DLG2: variants seen among roughly 807,000 people sequenced by gnomAD.
DLG2 encodes discs large MAGUK scaffold protein 2.
DLG2 carries 45 observed loss-of-function variants against 132.5 expected under a neutral mutation model. That is an observed-to-expected ratio of 0.34 (90% CI 0.27 to 0.44). The LOEUF (loss-of-function observed/expected upper bound fraction) is 0.44. Among genes scored for constraint, DLG2 ranks in the 20% least tolerant of loss-of-function variants. The pLI is 1.00. For synonymous variants in DLG2, 424 were observed against 419.6 expected, an observed-to-expected ratio of 1.01 and a Z score of -0.13; for missense variants, 1,045 against 1,196.9, an observed-to-expected ratio of 0.87 and a Z score of 1.87.
At chr11:85,506,734 C>A (rs943315048) in intron 3 of DLG2, among the ~76,000 whole-genome samples, 2 of 151,942 alleles carry the variant, frequency 1.3e-5, no homozygotes, top group African/African-American at 4.8e-5. Context: ...CTATTAGGTC[C>A]GCTTGGTGCA....
intron 7 of DLG2, among the ~76,000 whole-genome samples, chr11:84,256,501 G>A (rs775911221): frequency 3.2e-4 from 49 of 152,168 alleles, no homozygotes; most frequent in Non-Finnish European, 5.3e-4. Context: ...GAAATTAACA[G>A]TAACACTCAT....
At chr11:83,957,903 G>A (rs2087336351) in intron 14 of DLG2, among the ~76,000 whole-genome samples, 1 of 152,106 alleles carries the variant, frequency 6.6e-6, no homozygotes, top group African/African-American at 2.4e-5. Flanking sequence ...TCCTGAGAGA[G>A]GCACTGCCTG....
chr11:83,969,629 C>T (rs1176831252), intron 12 of DLG2, among the ~76,000 whole-genome samples: 1 of 151,938 alleles, frequency 6.6e-6, no homozygotes. Flanking sequence ...GCTGGAGTGC[C>T]ATGGCGTGAT....
chr11:83,561,366 GGT>G (rs1697064563), intron 19 of DLG2, among the ~76,000 whole-genome samples: 1 of 152,180 alleles, frequency 6.6e-6, no homozygotes, highest in South Asian at 2.1e-4. Flanking sequence ...AGGGGTTAGT[GGT>G]GAGCTATTTA....
rs112772461 is a variant in DLG2 at position 84,949,732 on chromosome 11, A to G, written c.357+161929T>C. On this transcript the variant is annotated intron_variant, in intron 6 of 27. Transcript: ENST00000376104. Reference sequence around the variant, plus strand: ...CTGAACAATTGCTGTTATCCTGTTCATTTTTCAGGGTGCCCACATTTCATA... The same window carrying G: ...CTGAACAATTGCTGTTATCCTGTTCGTTTTTCAGGGTGCCCACATTTCATA... Among the ~76,000 whole-genome samples, 42 of 152,212 alleles carry G rather than the reference A, an allele frequency of 2.8e-4. 1 individual carries two copies. The highest frequency in any genetic ancestry group is 9.2e-4 in the African/African-American group (38 of 41,528).
Position 85,598,536 on chromosome 11 carries a change from G to C in DLG2, c.40+121C>G, listed in dbSNP as rs1025882804. 7.2e-6 allele frequency: 4 copies of C among 557,912 alleles called. No individual in the cohort carries two copies. In the Admixed American group the frequency reaches 1.3e-4, roughly 18 times the overall value. The allele number at this position is 557,912 out of a possible 1,614,324, so 34.6% of individuals were successfully genotyped here. A position where few individuals can be genotyped will look rare whatever the true frequency, so the allele number is the denominator to read the frequency against. ...AAAACAAAACAAATCTTCCCTTCCA[G>C]TATTAAAGAAAATTATCCCAGTTTG... On this transcript the variant is annotated intron_variant, in intron 3 of 27. Coordinates refer to ENST00000376104, the MANE Select transcript of DLG2 (RefSeq NM_001142699.3).
chr11:85,501,123 C>T (rs967521662), intron 3 of DLG2, among the ~76,000 whole-genome samples: 2 of 152,140 alleles, frequency 1.3e-5, no homozygotes, highest in African/African-American at 4.8e-5. Context: ...CACACATCTA[C>T]CACCACCTGA....
Position 84,861,693 on chromosome 11 carries a change from T to G in DLG2, c.357+249968A>C, listed in dbSNP as rs541061429. 2.9e-5 allele frequency among the ~76,000 whole-genome samples: 4 copies of G among 137,300 alleles called. No homozygotes were observed. In the South Asian group the frequency reaches 7.2e-4, roughly 25 times the overall value. The allele number at this position is 137,300 out of a possible 152,430, so 90.1% of individuals were successfully genotyped here. ...GGCAACCTACAGAATGGGAGAAAAT[T>G]CTGCAATCAATCCATCTGACAAAGG... On this transcript the variant is annotated intron_variant, in intron 6 of 27. Coordinates refer to ENST00000376104, the MANE Select transcript of DLG2 (RefSeq NM_001142699.3).
intron 7 of DLG2, among the ~76,000 whole-genome samples, chr11:84,417,394 C>T (rs889984481): frequency 6.6e-6 from 1 of 152,138 alleles, no homozygotes; most frequent in African/African-American, 2.4e-5. Flanking sequence ...ATATTAAGTG[C>T]TCAATACATG....
intron 6 of DLG2, among the ~76,000 whole-genome samples, chr11:84,990,834 T>C (rs1034095768): frequency 5.3e-5 from 8 of 151,976 alleles, no homozygotes; most frequent in African/African-American, 1.9e-4. Flanking sequence ...CAACTAAACA[T>C]GCAATGACCA....
At chr11:84,936,148 T>C (rs906338190) in intron 6 of DLG2, among the ~76,000 whole-genome samples, 2 of 152,200 alleles carry the variant, frequency 1.3e-5, no homozygotes, top group Non-Finnish European at 2.9e-5. Flanking sequence ...AGAAGAATGT[T>C]AGGCCTACGA....
At chr11:83,860,262 C>G (rs183563658) in intron 16 of DLG2, among the ~76,000 whole-genome samples, 187 of 152,208 alleles carry the variant, frequency 1.2e-3, no homozygotes, top group Admixed American at 2.7e-3. Context: ...GCATTATGCG[C>G]CTGAAGAAAC....
At chr11:84,873,934 G>C (rs988496618) in intron 6 of DLG2, among the ~76,000 whole-genome samples, 1 of 152,196 alleles carries the variant, frequency 6.6e-6, no homozygotes, top group East Asian at 1.9e-4. Flanking sequence ...TATCATGATG[G>C]TCAAATCTGA....
chr11:84,454,913 A>G (rs2099061330), intron 7 of DLG2, among the ~76,000 whole-genome samples: 1 of 151,406 alleles, frequency 6.6e-6, no homozygotes, highest in Non-Finnish European at 1.5e-5. Flanking sequence ...GTTTGTGGTG[A>G]TGATTTTACA....
At chr11:85,259,255 C>G (rs1054659514) in intron 4 of DLG2, among the ~76,000 whole-genome samples, 1 of 152,044 alleles carries the variant, frequency 6.6e-6, no homozygotes, top group African/African-American at 2.4e-5. Context: ...GTAACACCAC[C>G]CCCTTCGCTC....
At chr11:84,202,059 C>T (rs2096603129) in intron 8 of DLG2, among the ~76,000 whole-genome samples, 1 of 151,816 alleles carries the variant, frequency 6.6e-6, no homozygotes, top group Non-Finnish European at 1.5e-5. Flanking sequence ...CTTCATGATC[C>T]TCCTGCCTTG....
chr11:83,706,083 T>G (rs1464436993), intron 18 of DLG2, among the ~76,000 whole-genome samples: 1 of 152,010 alleles, frequency 6.6e-6, no homozygotes. Flanking sequence ...CTGGGCATGG[T>G]GGCGGGTGCC....
chr11:83,481,528 A>C (rs1565404535), intron 22 of DLG2, among the ~76,000 whole-genome samples: 1 of 152,142 alleles, frequency 6.6e-6, no homozygotes, highest in Non-Finnish European at 1.5e-5. Flanking sequence ...GATATCATAC[A>C]TTCTTGCCAA....
chr11:84,515,246 A>C (rs1297644868), intron 7 of DLG2, among the ~76,000 whole-genome samples: 1 of 148,856 alleles, frequency 6.7e-6, no homozygotes, highest in Non-Finnish European at 1.5e-5. Context: ...TATCCAACCA[A>C]ATTACGTAGA....
Sources: gnomAD v4.1 joint callset for allele counts (sites outside exome capture counted in the v4.1 genomes callset) on GRCh38, gnomAD v4.1.1 for gene constraint, MANE v1.5 for transcripts, NCBI Gene and HGNC (gene_info 2026-07-23, HGNC 2026-07-21) for gene names.